The following LRRN2 variants were observed in gnomAD, a reference collection of about 807,000 sequenced individuals.
LRRN2 encodes the protein leucine rich repeat neuronal 2.
A neutral mutation model predicts 35.7 loss-of-function variants in LRRN2; 10 were observed. The ratio of observed to expected loss-of-function variants is 0.28; its 90% CI spans 0.17 to 0.47. LRRN2 has a LOEUF of 0.47. Ranked by LOEUF, LRRN2 falls within the 20% of genes least tolerant of loss-of-function variation. The pLI, the probability that LRRN2 is intolerant of heterozygous loss-of-function variation, is 0.99. For missense variants in LRRN2, 731 were observed against 940.3 expected, an observed-to-expected ratio of 0.78 and a Z score of 2.91; for synonymous variants, 391 against 409.6, an observed-to-expected ratio of 0.95 and a Z score of 0.55.
chr1:204,668,781 G>A (rs1479428757), intron 1 of LRRN2, among the ~76,000 whole-genome samples: 1 of 152,120 alleles, frequency 6.6e-6, no homozygotes, highest in Non-Finnish European at 1.5e-5. Context: ...GAAAAAAATC[G>A]AACACGATAA....
At chr1:204,679,300 T>A (rs573677613) in intron 1 of LRRN2, among the ~76,000 whole-genome samples, 1 of 152,318 alleles carries the variant, frequency 6.6e-6, no homozygotes, top group South Asian at 2.1e-4. Context: ...CCCTCTGTGG[T>A]CATTCCCCCT....
At chr1:204,670,728 C>CAAAA (rs34945535) in intron 1 of LRRN2, among the ~76,000 whole-genome samples, 149 of 148,538 alleles carry the variant, frequency 1.0e-3, no homozygotes, top group African/African-American at 3.4e-3. Flanking sequence ...AAGAAAGTGT[C>CAAAA]AAAAAAAAAA....
intron 1 of LRRN2, among the ~76,000 whole-genome samples, chr1:204,625,154 G>A (rs1164540325): frequency 1.3e-5 from 2 of 152,206 alleles, no homozygotes; most frequent in Admixed American, 6.5e-5. Flanking sequence ...GTGGTGGGGC[G>A]TGAGCCTGGC....
At chr1:204,656,943 G>A (rs1668369032) in intron 1 of LRRN2, among the ~76,000 whole-genome samples, 1 of 152,156 alleles carries the variant, frequency 6.6e-6, no homozygotes, top group African/African-American at 2.4e-5. Flanking sequence ...CCAAGAACTT[G>A]TTCTCTGCAT....
At chr1:204,684,099 C>T (rs933792439) in intron 1 of LRRN2, among the ~76,000 whole-genome samples, 1 of 152,304 alleles carries the variant, frequency 6.6e-6, no homozygotes, top group Non-Finnish European at 1.5e-5. Flanking sequence ...GAAAGGGGGG[C>T]ACGGAGCCTG....
chr1:204,673,325 T>TTAAG (rs1335666362), intron 1 of LRRN2, among the ~76,000 whole-genome samples: 1 of 152,234 alleles, frequency 6.6e-6, no homozygotes, highest in East Asian at 1.9e-4. Context: ...AGATGACTTT[T>TTAAG]TAAGTTCTTT....
intron 1 of LRRN2, chr1:204,621,399 C>T (rs1666884467): frequency 6.0e-6 from 1 of 167,308 alleles, no homozygotes; most frequent in African/African-American, 2.4e-5. Flanking sequence ...TAAGTTCAGT[C>T]ACCACCTGCA....
At chr1:204,638,711 G>A (rs979946037) in intron 1 of LRRN2, among the ~76,000 whole-genome samples, 7 of 152,108 alleles carry the variant, frequency 4.6e-5, no homozygotes, top group Admixed American at 6.5e-5. Flanking sequence ...CGCCCGGCCA[G>A]GTCTTCTAAG....
At position 204,618,276 on chromosome 1, in the gene LRRN2, C is replaced by T. The variant is rs2102563489; in HGVS notation, c.1717G>A (p.Ala573Thr). 1 of 1,606,626 alleles carries T rather than the reference C, an allele frequency of 6.2e-7. No individual in the cohort carries two copies. The highest frequency in any genetic ancestry group is 2.2e-5 in the East Asian group (1 of 44,816). Residue 573 changes from alanine to threonine, a missense_variant, in exon 2 of 2, where the codon GCC (alanine) becomes ACC (threonine). By Grantham distance (58) the Ala-to-Thr change is moderately conservative (BLOSUM62 0). Coordinates refer to ENST00000367177, the MANE Select transcript of LRRN2 (RefSeq NM_201630.2). ...SLRGQGATAL[A>T]RLPRGTHSYN... ...CTGTGGGTTCCCCGAGGCAGGCGGG[C>T]CAGAGCTGTGGCCCCCTGGCCCCGG...
chr1:204,640,109 G>T (rs1445718823), intron 1 of LRRN2, among the ~76,000 whole-genome samples: 1 of 152,194 alleles, frequency 6.6e-6, no homozygotes, highest in African/African-American at 2.4e-5. Context: ...ATAAACAACA[G>T]AAATTTATTG....
At chr1:204,640,066 A>G (rs4951087) in intron 1 of LRRN2, among the ~76,000 whole-genome samples, 82,217 of 152,088 alleles carry the variant, frequency 0.54, 23,562 homozygotes, top group East Asian at 0.68. Flanking sequence ...CCATTTGGGC[A>G]GCTATAACAA....
At chr1:204,666,797 C>A (rs971612755) in intron 1 of LRRN2, among the ~76,000 whole-genome samples, 13 of 152,046 alleles carry the variant, frequency 8.6e-5, no homozygotes, top group South Asian at 2.1e-4. Context: ...CCAGTCTCTA[C>A]TAAAAATACA....
At chr1:204,630,320 G>A (rs75991709) in intron 1 of LRRN2, among the ~76,000 whole-genome samples, 3,714 of 150,776 alleles carry the variant, frequency 0.025, 123 homozygotes, top group East Asian at 0.1. Context: ...GTGGGGGTGG[G>A]TGAGGCCTGG....
rs1268549809 is a variant in LRRN2, at chr1:204,619,639, C to G, written c.354G>C (p.Gln118His). 1 of 1,614,190 alleles carries G rather than the reference C, an allele frequency of 6.2e-7. No homozygotes were observed. The highest frequency in any genetic ancestry group is 8.5e-7 in the Non-Finnish European group (1 of 1,180,038). Residue 118 changes from glutamine (Q) to histidine (H), a missense_variant, in exon 2 of 2, where the codon CAG becomes CAC. This residue lies in a region of LRRN2 where 246 missense variants were observed against 289.5 expected (regional missense o/e 0.85). Transcript: ENST00000367177. ...ARDCDFHALPQLLSLHLEENQ... is the reference protein window; with the variant it reads ...ARDCDFHALPHLLSLHLEENQ... ...TCTCCTCTAGGTGCAGGCTCAGCAG[C>G]TGGGGCAGGGCATGGAAATCACAGT...
At chr1:204,662,807 C>T (rs1400205669) in intron 1 of LRRN2, among the ~76,000 whole-genome samples, 2 of 152,184 alleles carry the variant, frequency 1.3e-5, no homozygotes, top group African/African-American at 4.8e-5. Context: ...ATACTCCAGC[C>T]CTGTCATAAA....
chr1:204,635,811 C>T (rs1409474415), intron 1 of LRRN2, among the ~76,000 whole-genome samples: 2 of 152,300 alleles, frequency 1.3e-5, no homozygotes, highest in East Asian at 1.9e-4. Flanking sequence ...GGAGCTGCAC[C>T]TTGCAGCAGT....
chr1:204,658,420 G>C (rs114426146), intron 1 of LRRN2, among the ~76,000 whole-genome samples: 2,112 of 152,290 alleles, frequency 0.014, 46 homozygotes, highest in South Asian at 0.037. Context: ...CATTTGGCTT[G>C]GAAACTTTGA....
chr1:204,638,162 G>A (rs1208254219), intron 1 of LRRN2, among the ~76,000 whole-genome samples: 2 of 150,086 alleles, frequency 1.3e-5, no homozygotes, highest in Admixed American at 1.3e-4. Context: ...GAGGCCTGGG[G>A]AATATAATCA....
At chr1:204,677,227 G>A (rs1668842777) in intron 1 of LRRN2, among the ~76,000 whole-genome samples, 1 of 152,206 alleles carries the variant, frequency 6.6e-6, no homozygotes, top group African/African-American at 2.4e-5. Context: ...TAAGCCATAA[G>A]GACAAAAGCC....
Sources: allele counts gnomAD v4.1 joint callset (sites outside exome capture counted in the v4.1 genomes callset), GRCh38; gene constraint gnomAD v4.1.1; regional missense constraint gnomAD v4.1.1; transcripts MANE v1.5; gene names NCBI Gene and HGNC (gene_info 2026-07-23, HGNC 2026-07-21).